TMEM223: variants seen among roughly 807,000 people sequenced by gnomAD.
TMEM223 encodes the protein transmembrane protein 223.
TMEM223 carries 14 observed loss-of-function variants against 14.1 expected under a neutral mutation model. The observed-to-expected ratio is 0.99, with a 90% confidence interval of 0.66 to 1.55. The LOEUF is 1.55. Ranked by LOEUF, TMEM223 falls within the 40% of genes most tolerant of loss-of-function variation. The pLI is 0.00. For missense variants in TMEM223, 346 were observed against 269.9 expected (o/e 1.28, Z -1.97); for synonymous variants, 145 against 120.5 (o/e 1.20, Z -1.33).
At chr11:62,785,610 C>G (rs996419173), downstream of TMEM223, among the ~76,000 whole-genome samples, 1 of 150,786 alleles carries the variant, frequency 6.6e-6, no homozygotes, top group Non-Finnish European at 1.5e-5. Context: ...TCTCGGCTCA[C>G]TGCAACCTCT....
chr11:62,784,638 G>C (rs543791188), downstream of TMEM223, among the ~76,000 whole-genome samples: 34 of 152,174 alleles, frequency 2.2e-4, no homozygotes, highest in African/African-American at 5.8e-4. Flanking sequence ...ATTTATATTG[G>C]ATTTTTATCA....
downstream of TMEM223, among the ~76,000 whole-genome samples, chr11:62,788,676 C>CAA (rs5792270): frequency 0.011 from 1,341 of 122,222 alleles, 22 homozygotes; most frequent in East Asian, 0.057. Flanking sequence ...TGCACTCCAG[C>CAA]AAAAAAAAAA....
At chr11:62,778,411 C>CTAG in intron 1 of TMEM223, 2 of 1,543,310 alleles carry the variant, frequency 1.3e-6, no homozygotes, top group Non-Finnish European at 1.8e-6. Flanking sequence ...CCTATGTGCC[C>CTAG]CCGAGTCTGC....
downstream of TMEM223, chr11:62,789,574 C>A: frequency 6.5e-7 from 1 of 1,549,384 alleles, no homozygotes; most frequent in Non-Finnish European, 8.7e-7. Flanking sequence ...ATCACGCTTT[C>A]TCACAACTGT....
chr11:62,783,897 C>T (rs1332894212), downstream of TMEM223, among the ~76,000 whole-genome samples: 1 of 150,376 alleles, frequency 6.6e-6, no homozygotes, highest in Non-Finnish European at 1.5e-5. Context: ...ATGGATTCTT[C>T]TTCTGAACCA....
chr11:62,771,672 G>A (rs1018621817), exon 3 of TMEM223: 1 of 194,606 alleles, frequency 5.1e-6, no homozygotes, highest in South Asian at 7.4e-5. Flanking sequence ...GCTAGGCCGG[G>A]TGGGAGGATG....
At chr11:62,779,976 A>ATATATATATATATTTTTTTTT (rs1294367864) in intron 1 of TMEM223, among the ~76,000 whole-genome samples, 3 of 52,626 alleles carry the variant, frequency 5.7e-5, no homozygotes, top group African/African-American at 7.7e-5. Flanking sequence ...ATATATATAT[A>ATATATATATATATTTTTTTTT]TTTTTTTTTT....
At chr11:62,786,335 G>C, downstream of TMEM223, 1 of 1,614,208 alleles carries the variant, frequency 6.2e-7, no homozygotes, top group Non-Finnish European at 8.5e-7. Context: ...TGATTATTCA[G>C]TATCTAATGC....
At chr11:62,787,668 T>C, downstream of TMEM223, 2 of 1,124,208 alleles carry the variant, frequency 1.8e-6, no homozygotes, top group African/African-American at 1.6e-5. Flanking sequence ...GGCCTGTACC[T>C]GAAATGCAGC....
chr11:62,786,455 G>C (rs143657600), downstream of TMEM223: 1 of 1,595,402 alleles, frequency 6.3e-7, no homozygotes, highest in East Asian at 2.3e-5. Context: ...GCTTACTTTG[G>C]AATATTTGAT....
At chr11:62,776,341 G>A in intron 1 of TMEM223, 3 of 1,605,206 alleles carry the variant, frequency 1.9e-6, no homozygotes, top group African/African-American at 1.3e-5. Context: ...CATGCCCCCT[G>A]CTTCACATCC....
chr11:62,787,032 G>A (rs1472043314), downstream of TMEM223: 1 of 1,507,570 alleles, frequency 6.6e-7, no homozygotes, highest in Non-Finnish European at 8.8e-7. Context: ...GGGCACCCCG[G>A]CAGCAGGGCC....
At chr11:62,776,277 C>A in intron 1 of TMEM223, 1 of 1,099,628 alleles carries the variant, frequency 9.1e-7, no homozygotes, top group Non-Finnish European at 1.4e-6. Context: ...GATCCCTAAG[C>A]GTGGTCTCCT....
chr11:62,779,952 C>CCA (rs1332185092), intron 1 of TMEM223, among the ~76,000 whole-genome samples: 13 of 100,026 alleles, frequency 1.3e-4, no homozygotes, highest in African/African-American at 5.8e-4. Flanking sequence ...AGGCGTGAGC[C>CCA]TATATATATA....
At chr11:62,776,616 C>T (rs1054423955) in intron 1 of TMEM223, 77 of 719,222 alleles carry the variant, frequency 1.1e-4, no homozygotes, top group South Asian at 7.8e-4. Flanking sequence ...TTTGGGAGGC[C>T]GAGGTGGGCG....
At chr11:62,772,288 G>A (rs12803988) in intron 2 of TMEM223, among the ~76,000 whole-genome samples, 12,212 of 151,910 alleles carry the variant, frequency 0.08, 665 homozygotes, top group Non-Finnish European at 0.12. Context: ...TTGGGAGGCC[G>A]AGGCACCTGG....
At chr11:62,784,610 T>A (rs1336171054), downstream of TMEM223, among the ~76,000 whole-genome samples, 1 of 152,190 alleles carries the variant, frequency 6.6e-6, no homozygotes, top group African/African-American at 2.4e-5. Context: ...CTGGCCTATA[T>A]TCTTAATTTT....
downstream of TMEM223, chr11:62,789,914 GGT>G: frequency 6.2e-7 from 1 of 1,614,076 alleles, no homozygotes; most frequent in Non-Finnish European, 8.5e-7. Flanking sequence ...TTGGTATTGT[GGT>G]GTGTGGTCTT....
rs183518142 is a variant in TMEM223, at chr11:62,780,892, G to A, written c.315-6227C>T. On this transcript the variant is annotated intron_variant, in intron 1 of 2. Coordinates refer to the TMEM223 transcript ENST00000528367. ...GCAGAGGTTGCAATGAGCCGAGATC[G>A]CGCCACCGCACTCCAGCCTGGGCAA... Among the ~76,000 whole-genome samples, 802 of 147,676 alleles carry A rather than the reference G, an allele frequency of 5.4e-3. 6 individuals carry two copies. The highest frequency in any genetic ancestry group is 0.019 in the African/African-American group (766 of 39,820).
Sources: gnomAD v4.1 joint callset for allele counts (sites outside exome capture counted in the v4.1 genomes callset) on GRCh38, gnomAD v4.1.1 for gene constraint, MANE v1.5 for transcripts, NCBI Gene and HGNC (gene_info 2026-07-23, HGNC 2026-07-21) for gene names.